Variants in NARS1 observed in about 807,000 individuals in gnomAD.
NARS1 encodes the protein asparaginyl-tRNA synthetase 1.
A neutral mutation model predicts 79.2 loss-of-function variants in NARS1; 65 were observed. The observed-to-expected ratio is 0.82, with a 90% CI of 0.67 to 1.01. NARS1 has a LOEUF of 1.01. Ranked by LOEUF, NARS1 falls within the 50% of genes least tolerant of loss-of-function variation. The pLI, the probability that NARS1 is intolerant of heterozygous loss-of-function variation, is 0.00. For missense variants in NARS1, 649 were observed against 673.8 expected (o/e 0.96, Z 0.41); for synonymous variants, 229 against 238.8 (o/e 0.96, Z 0.38).
intron 5 of NARS1, among the ~76,000 whole-genome samples, chr18:57,612,481 G>T (rs2051612271): frequency 1.3e-5 from 2 of 152,112 alleles, no homozygotes; most frequent in Admixed American, 6.6e-5. Context: ...TGTCGCCCAG[G>T]CTAGAGTGCA....
chr18:57,621,632 A>G, intron 1 of NARS1, 76 bp downstream of exon 1: 1 of 1,387,160 alleles, frequency 7.2e-7, no homozygotes, highest in Non-Finnish European at 1.0e-6. Flanking sequence ...GCACTAAGGA[A>G]AGCGCCGAAA....
At chr18:57,609,699 A>C in intron 6 of NARS1, among the ~76,000 whole-genome samples, 1 of 152,212 alleles carries the variant, frequency 6.6e-6, no homozygotes, top group East Asian at 1.9e-4. Context: ...GATAAATGAC[A>C]CTGACCCACA....
intron 1 of NARS1, among the ~76,000 whole-genome samples, chr18:57,621,501 G>A (rs1477183538): frequency 6.6e-6 from 1 of 152,186 alleles, no homozygotes; most frequent in Non-Finnish European, 1.5e-5. Context: ...CCGGGGGAAC[G>A]ACGGACTCGG....
chr18:57,605,941 T>C lies in NARS1; in HGVS notation c.1167A>G (p.Lys389=). Residue 389 remains lysine (K), a synonymous_variant, in exon 11 of 14, where the codon AAA becomes AAG. Coordinates refer to ENST00000256854, the MANE Select transcript of NARS1 (RefSeq NM_004539.4). ...CGATAGCATCTGAATAGTTCATCCGTTTGAAAGGCCGTTTGGGGGGCTGAA... is the reference window on the plus strand; with the variant it reads ...CGATAGCATCTGAATAGTTCATCCGCTTGAAAGGCCGTTTGGGGGGCTGAA... ...PNFQPPKRPF[K]RMNYSDAIVW... 6.2e-7 allele frequency: 1 copy of C among 1,613,510 alleles called. No individual in the cohort carries two copies. The highest frequency in any genetic ancestry group is 1.1e-5 in the South Asian group (1 of 90,974).
rs916796661 is a variant in NARS1 at position 57,615,290 on chromosome 18, C to A, written c.342+351G>T. Among the ~76,000 whole-genome samples, 63 of 152,252 alleles carry A rather than the reference C, an allele frequency of 4.1e-4. 2 individuals are homozygous for A. Among genetic ancestry groups the A allele is most frequent in the Admixed American group, 4.1e-3 (62 of 15,282 alleles). On this transcript the variant is annotated intron_variant, in intron 4 of 13. Coordinates refer to ENST00000256854, the MANE Select transcript of NARS1 (RefSeq NM_004539.4). Reference sequence around the variant, plus strand: ...GGTCGAGGTGGGCAGATCACGAGATCGGGAGATCAAGACCATCCTGGCTAA... The same window carrying A: ...GGTCGAGGTGGGCAGATCACGAGATAGGGAGATCAAGACCATCCTGGCTAA...
At chr18:57,601,859 C>T in intron 13 of NARS1, 76 bp from the exon 14 acceptor site, 4 of 1,518,828 alleles carry the variant, frequency 2.6e-6, no homozygotes, top group Non-Finnish European at 3.6e-6. Flanking sequence ...TTAAAATTTT[C>T]CACCATGAAA....
intron 11 of NARS1, among the ~76,000 whole-genome samples, chr18:57,604,020 C>G: frequency 6.6e-6 from 1 of 152,174 alleles, no homozygotes; most frequent in East Asian, 1.9e-4. Flanking sequence ...CTCCGGTAGT[C>G]CCCACAATCT....
chr18:57,605,931 A>G lies in NARS1; in HGVS notation c.1177T>C (p.Tyr393His), dbSNP rs956573858. 1.5e-5 allele frequency: 25 copies of G among 1,613,794 alleles called. No homozygotes were observed. Among genetic ancestry groups the G allele is most frequent in the Non-Finnish European group, 2.0e-5 (24 of 1,179,844 alleles). Residue 393 changes from tyrosine to histidine, a missense_variant, in exon 11 of 14, where the codon TAT becomes CAT. Transcript: ENST00000256854. ...PPKRPFKRMN[Y>H]SDAIVWLKEH... is the part of the protein sequence containing the mutation. ...TTTAGCCAAACGATAGCATCTGAAT[A>G]GTTCATCCGTTTGAAAGGCCGTTTG...
rs1568165599 is a variant in NARS1 at position 57,613,628 on chromosome 18, C to A, written c.395G>T (p.Gly132Val). 1 of 1,614,126 alleles carries A rather than the reference C, an allele frequency of 6.2e-7. No individual in the cohort carries two copies. The highest frequency in any genetic ancestry group is 8.5e-7 in the Non-Finnish European group (1 of 1,179,986). ...GYRGQRVKVF[G>V]WVHRLRRQGK... ...TTGCCTGCGCAGCCTGTGGACCCAG[C>A]CAAACACCTTTACTCTTTGGCCTCT... The change falls in exon 5 of 14, where the codon GGC becomes GTC. Residue 132 changes from glycine to valine, a missense_variant. By Grantham distance (109) the Gly-to-Val change is moderately radical. Coordinates refer to ENST00000256854, the MANE Select transcript of NARS1 (RefSeq NM_004539.4).
At chr18:57,611,988 C>T (rs1224288153) in intron 5 of NARS1, among the ~76,000 whole-genome samples, 2 of 152,070 alleles carry the variant, frequency 1.3e-5, no homozygotes, top group East Asian at 3.8e-4. Flanking sequence ...AGCTCCTGGG[C>T]TCAAGCAATC....
intron 7 of NARS1, among the ~76,000 whole-genome samples, chr18:57,608,893 A>G (rs1375441456): frequency 6.6e-6 from 1 of 152,198 alleles, no homozygotes; most frequent in Non-Finnish European, 1.5e-5. Flanking sequence ...CAGCCTGGCT[A>G]GAAAAAGCAA....
chr18:57,615,588 T>C (rs1244949625), intron 4 of NARS1, 53 bp downstream of exon 4: 2 of 1,256,180 alleles, frequency 1.6e-6, no homozygotes, highest in African/African-American at 1.5e-5. Flanking sequence ...TACACAGAAA[T>C]AATGATCTGA....
rs559827463 is a variant in NARS1 at position 57,600,929 on chromosome 18, T to C, written c.*723A>G. 3.9e-5 allele frequency: 6 copies of C among 152,324 alleles called. No individual in the cohort carries two copies. Among genetic ancestry groups the C allele is most frequent in the African/African-American group, 7.2e-5 (3 of 41,576 alleles). The allele number at this position is 152,324 out of a possible 1,614,324, so 9.4% of individuals were successfully genotyped here. On this transcript the variant is annotated 3_prime_UTR_variant, in exon 14 of 14. Transcript: ENST00000256854. ...ATTACCAGGAAAGAGGGAAAATCAATCTGCCTCTTTACCTTAAATTAATGC... is the reference window on the plus strand; with the variant it reads ...ATTACCAGGAAAGAGGGAAAATCAACCTGCCTCTTTACCTTAAATTAATGC...
In NARS1 at chr18:57,601,544, A is replaced by G; in HGVS notation, c.*108T>C. 8.6e-7 allele frequency: 1 copy of G among 1,157,752 alleles called. No homozygotes were observed. Among genetic ancestry groups the G allele is most frequent in the Non-Finnish European group, 1.2e-6 (1 of 849,944 alleles). The allele number at this position is 1,157,752 out of a possible 1,614,324, so 71.7% of individuals were successfully genotyped here. On this transcript the variant is annotated 3_prime_UTR_variant, in exon 14 of 14. Coordinates refer to ENST00000256854, the MANE Select transcript of NARS1 (RefSeq NM_004539.4). Reference sequence around the variant, plus strand: ...TTATGGTAGTAGAAAGAAAAACAGAAAGAGAAACCCCAATGAAACAAAAAA... The same window carrying G: ...TTATGGTAGTAGAAAGAAAAACAGAGAGAGAAACCCCAATGAAACAAAAAA...
chr18:57,603,226 A>G (rs941408601), intron 11 of NARS1, among the ~76,000 whole-genome samples: 4 of 151,994 alleles, frequency 2.6e-5, no homozygotes, highest in Admixed American at 1.3e-4. Context: ...AAAAAAAAAC[A>G]AAAACAAAAG....
At chr18:57,610,864 A>T (rs2051599314) in intron 6 of NARS1, among the ~76,000 whole-genome samples, 1 of 152,184 alleles carries the variant, frequency 6.6e-6, no homozygotes. Flanking sequence ...AATCAACTAT[A>T]AAAAGGCAGT....
Position 57,602,391 on chromosome 18 carries a change from C to A in NARS1, c.1479G>T (p.Gly493=). ...ACCAGTAATAGGGAGTGGGGTCAAT[C>A]CCTTCCCTTTTATAACCTGCCAGTA... ...EEILAGYKRE[G]IDPTPYYWYT... The change falls in exon 13 of 14, where the codon GGG becomes GGT. Residue 493 remains glycine, a synonymous_variant. Coordinates refer to ENST00000256854, the MANE Select transcript of NARS1 (RefSeq NM_004539.4). 5 of 1,613,918 alleles carry A rather than the reference C, an allele frequency of 3.1e-6. No individual in the cohort carries two copies. The highest frequency in any genetic ancestry group is 4.2e-6 in the Non-Finnish European group (5 of 1,179,884).
intron 6 of NARS1, 53 bp downstream of exon 6, chr18:57,611,584 G>C: frequency 8.5e-7 from 1 of 1,178,950 alleles, no homozygotes; most frequent in South Asian, 1.4e-5. Flanking sequence ...AAACAATAAA[G>C]GAATCTACTG....
At chr18:57,611,034 T>G (rs2051600809) in intron 6 of NARS1, among the ~76,000 whole-genome samples, 1 of 151,060 alleles carries the variant, frequency 6.6e-6, no homozygotes, top group Non-Finnish European at 1.5e-5. Context: ...TGGCATCATC[T>G]TGGCTCACTG....
Sources: gnomAD v4.1 joint callset for allele counts (sites outside exome capture counted in the v4.1 genomes callset) on GRCh38, gnomAD v4.1.1 for gene constraint, MANE v1.5 for transcripts, NCBI Gene and HGNC (gene_info 2026-07-23, HGNC 2026-07-21) for gene names.